Variants in ATP8A2 observed in about 807,000 individuals in gnomAD.
The protein encoded by ATP8A2 is ATPase phospholipid transporting 8A2.
A neutral mutation model predicts 165.6 loss-of-function variants in ATP8A2; 100 were observed. The observed-to-expected ratio is 0.60, with a 90% CI of 0.51 to 0.71. ATP8A2 has a LOEUF of 0.71. Ranked by LOEUF, ATP8A2 falls within the 30% of genes least tolerant of loss-of-function variation. The pLI is 0.00. For synonymous variants in ATP8A2, 543 were observed against 548.8 expected, an observed-to-expected ratio of 0.99 and a Z score of 0.15; for missense variants, 1,227 against 1,479.5, an observed-to-expected ratio of 0.83 and a Z score of 2.80.
chr13:25,879,657 A>C (rs1161613264), intron 33 of ATP8A2, among the ~76,000 whole-genome samples: 1 of 152,182 alleles, frequency 6.6e-6, no homozygotes, highest in African/African-American at 2.4e-5. Context: ...TCTGATGGAC[A>C]AGCCCAGGTC....
intron 25 of ATP8A2, among the ~76,000 whole-genome samples, chr13:25,734,839 A>G (rs1482666222): frequency 2.0e-5 from 3 of 152,234 alleles, no homozygotes; most frequent in East Asian, 3.9e-4. Context: ...GGGTTTCACC[A>G]TATTGGTTAG....
At chr13:25,996,106 T>C (rs1956496649) in intron 35 of ATP8A2, among the ~76,000 whole-genome samples, 1 of 152,226 alleles carries the variant, frequency 6.6e-6, no homozygotes, top group African/African-American at 2.4e-5. Context: ...GGTTTTATTT[T>C]GATTAATGTT....
intron 1 of ATP8A2, among the ~76,000 whole-genome samples, chr13:25,382,984 T>C (rs372218306): frequency 2.0e-3 from 294 of 150,352 alleles, no homozygotes; most frequent in African/African-American, 6.9e-3. Context: ...CTCCATCTCC[T>C]GACTTCGTGA....
At chr13:25,996,009 T>C (rs886308539) in intron 35 of ATP8A2, among the ~76,000 whole-genome samples, 9 of 152,224 alleles carry the variant, frequency 5.9e-5, no homozygotes, top group African/African-American at 2.2e-4. Context: ...GGATTGATCC[T>C]TTTGTCATTG....
chr13:25,606,087 G>A (rs1390009038), intron 24 of ATP8A2, among the ~76,000 whole-genome samples: 1 of 152,144 alleles, frequency 6.6e-6, no homozygotes, highest in African/African-American at 2.4e-5. Context: ...GGAAATGTGG[G>A]TATTTTCTCA....
intron 25 of ATP8A2, among the ~76,000 whole-genome samples, chr13:25,739,631 G>A (rs1215051591): frequency 1.3e-5 from 2 of 152,060 alleles, no homozygotes; most frequent in East Asian, 1.9e-4. Context: ...AACATAAATG[G>A]CAAGGTAACC....
chr13:25,542,008 C>T lies in ATP8A2; in HGVS notation c.741C>T (p.Leu247=), dbSNP rs201371646. The stretch of plus-strand genomic sequence containing the variant: ...AGTGTGAAGGGCCCAACCGCCACCT[C>T]TATGACTTCACTGGAAACTTGAACT... ...TIECEGPNRH[L]YDFTGNLNLD... Residue 247 remains leucine (L), a synonymous_variant, in exon 9 of 37, where the codon CTC becomes CTT. Coordinates refer to ENST00000381655, the MANE Select transcript of ATP8A2 (RefSeq NM_016529.6). 34 of 1,613,928 alleles carry T rather than the reference C, an allele frequency of 2.1e-5. No homozygotes were observed. The highest frequency in any genetic ancestry group is 2.7e-5 in the Non-Finnish European group (32 of 1,179,968).
At chr13:25,512,149 C>A (rs534167138) in intron 2 of ATP8A2, among the ~76,000 whole-genome samples, 28 of 151,280 alleles carry the variant, frequency 1.9e-4, no homozygotes, top group Admixed American at 7.3e-4. Flanking sequence ...CGCCCTTAAT[C>A]CATTTAACCC....
chr13:25,879,120 C>T (rs962876767), intron 33 of ATP8A2, among the ~76,000 whole-genome samples: 1 of 152,220 alleles, frequency 6.6e-6, no homozygotes, highest in Non-Finnish European at 1.5e-5. Context: ...TAAGTCAACT[C>T]AAAGAATCAG....
chr13:25,593,209 C>T (rs150147909), intron 24 of ATP8A2, among the ~76,000 whole-genome samples: 12 of 152,226 alleles, frequency 7.9e-5, no homozygotes, highest in Admixed American at 7.8e-4. Flanking sequence ...ATTTAAGTCT[C>T]AGGGCTCCAA....
chr13:25,384,837 C>A (rs1050520039), intron 1 of ATP8A2, among the ~76,000 whole-genome samples: 1 of 152,076 alleles, frequency 6.6e-6, no homozygotes. Flanking sequence ...CTTATGATTC[C>A]AGAACCCCCA....
chr13:25,490,155 C>T (rs2036478877), intron 2 of ATP8A2, among the ~76,000 whole-genome samples: 1 of 152,212 alleles, frequency 6.6e-6, no homozygotes, highest in African/African-American at 2.4e-5. Context: ...GATCCATTTC[C>T]ATGGCTAAGT....
intron 27 of ATP8A2, among the ~76,000 whole-genome samples, chr13:25,782,573 A>T (rs1216743744): frequency 6.6e-6 from 1 of 152,158 alleles, no homozygotes; most frequent in Non-Finnish European, 1.5e-5. Context: ...CCACCTTCAG[A>T]TGCCAAAATT....
At chr13:25,465,369 G>T (rs1417584410) in intron 1 of ATP8A2, among the ~76,000 whole-genome samples, 1 of 152,056 alleles carries the variant, frequency 6.6e-6, no homozygotes, top group East Asian at 1.9e-4. Flanking sequence ...AAATCCCAAG[G>T]TTTTCCCTGT....
chr13:25,660,914 A>T (rs2042036510), intron 24 of ATP8A2, among the ~76,000 whole-genome samples: 1 of 152,182 alleles, frequency 6.6e-6, no homozygotes, highest in African/African-American at 2.4e-5. Context: ...AGTGCCAAGC[A>T]GTGCAGACTT....
chr13:25,591,413 A>AT (rs1379202100), intron 24 of ATP8A2: 22 of 455,342 alleles, frequency 4.8e-5, no homozygotes, highest in Non-Finnish European at 8.4e-5. Context: ...AGTATTTGTG[A>AT]TTTTTATGAC....
At chr13:25,904,859 A>G (rs1953884077) in intron 33 of ATP8A2, among the ~76,000 whole-genome samples, 1 of 152,214 alleles carries the variant, frequency 6.6e-6, no homozygotes, top group Admixed American at 6.5e-5. Context: ...ATAATCACAT[A>G]TAGTTCTTTT....
At chr13:25,504,474 C>T (rs1248991789) in intron 2 of ATP8A2, among the ~76,000 whole-genome samples, 1 of 141,444 alleles carries the variant, frequency 7.1e-6, no homozygotes, top group Non-Finnish European at 1.5e-5. Context: ...GGCGCGGTGG[C>T]TCACGCCTGT....
In ATP8A2 at chr13:25,937,975, C is replaced by T. The variant is rs149327394; in HGVS notation, c.3184-23600C>T. ...CTTTAAGATGGGAAAATGCTATAAA[C>T]GTGGGAAGTTCTCCATAGAAGAATC... On this transcript the variant is annotated intron_variant, in intron 33 of 36. Transcript: ENST00000381655. 4.9e-3 allele frequency among the ~76,000 whole-genome samples: 738 copies of T among 150,056 alleles called. 4 individuals carry two copies. The highest frequency in any genetic ancestry group is 0.016 in the African/African-American group (663 of 40,806).
Sources: allele counts gnomAD v4.1 joint callset (sites outside exome capture counted in the v4.1 genomes callset), GRCh38; gene constraint gnomAD v4.1.1; transcripts MANE v1.5; gene names NCBI Gene and HGNC (gene_info 2026-07-23, HGNC 2026-07-21).